KHDC4: variants seen among roughly 807,000 people sequenced by gnomAD.
KHDC4 encodes KH domain containing 4, pre-mRNA splicing factor, also known as KH homology domain-containing protein 4.
Under a neutral mutation model 74.5 loss-of-function variants are expected in KHDC4, and 19 were observed. The ratio of observed to expected loss-of-function variants is 0.26; its 90% confidence interval spans 0.18 to 0.37. The LOEUF is 0.37. Among genes scored for constraint, KHDC4 ranks in the 10% least tolerant of loss-of-function variants. The probability of loss-of-function intolerance (pLI) is 1.00; values close to 1 mark genes in which losing one functional copy is unlikely to be tolerated. For missense variants in KHDC4, 632 were observed against 754.1 expected (o/e 0.84, Z 1.90); for synonymous variants, 253 against 266.1 (o/e 0.95, Z 0.48).
chr1:155,928,775 GCT>G (rs1354040162), intron 4 of KHDC4, among the ~76,000 whole-genome samples: 2 of 151,432 alleles, frequency 1.3e-5, no homozygotes, highest in Admixed American at 6.6e-5. Flanking sequence ...ACACGGTGAA[GCT>G]CTGTCTCTAC....
At chr1:155,926,958 A>C in intron 5 of KHDC4, 119 bp from the exon 6 acceptor site, 1 of 1,338,840 alleles carries the variant, frequency 7.5e-7, no homozygotes. Context: ...GTGGCTCTCC[A>C]TCCCTCTAAA....
chr1:155,928,749 A>G (rs531944352), intron 4 of KHDC4, among the ~76,000 whole-genome samples: 10 of 151,862 alleles, frequency 6.6e-5, no homozygotes, highest in South Asian at 4.2e-4. Flanking sequence ...TCAGGAGATC[A>G]AGACCATCCT....
chr1:155,919,958 G>A (rs1362260065), intron 10 of KHDC4: 1 of 517,470 alleles, frequency 1.9e-6, no homozygotes. Flanking sequence ...AGGGGACTGG[G>A]CAATGGTTCG....
At chr1:155,917,021 T>C (rs781378036) in intron 11 of KHDC4, 44 of 269,216 alleles carry the variant, frequency 1.6e-4, no homozygotes, top group Non-Finnish European at 2.5e-4. Flanking sequence ...AGCTAGAAAC[T>C]ATAAAAAAAT....
intron 8 of KHDC4, among the ~76,000 whole-genome samples, chr1:155,923,136 C>CGGA (rs1311847764): frequency 6.7e-6 from 1 of 148,506 alleles, no homozygotes; most frequent in Non-Finnish European, 1.5e-5. Context: ...ACCCGGGAGG[C>CGGA]GGAGCTTGCA....
intron 5 of KHDC4, 43 bp from the exon 6 acceptor site, chr1:155,926,882 C>G (rs559207244): frequency 8.9e-5 from 143 of 1,603,740 alleles, no homozygotes; most frequent in Non-Finnish European, 1.1e-4. Flanking sequence ...AATGAACTGA[C>G]TAGTGCCCAG....
intron 11 of KHDC4, 21 bp from the exon 12 acceptor site, chr1:155,916,758 T>C: frequency 6.6e-7 from 1 of 1,518,130 alleles, no homozygotes; most frequent in Non-Finnish European, 9.1e-7. Flanking sequence ...AAAAATACAG[T>C]GGCATTAGCA....
intron 2 of KHDC4, 54 bp from the exon 3 acceptor site, chr1:155,929,894 T>C (rs1674105307): frequency 8.1e-7 from 1 of 1,238,786 alleles, no homozygotes; most frequent in African/African-American, 1.6e-5. Flanking sequence ...TAAAGTCTAT[T>C]TTTTTATTTT....
chr1:155,916,891 T>G, intron 11 of KHDC4, 154 bp from the exon 12 acceptor site: 1 of 560,756 alleles, frequency 1.8e-6, no homozygotes, highest in South Asian at 2.4e-5. Context: ...GTAACTGTAG[T>G]CAAAAGTAGG....
chr1:155,916,527 A>G, intron 12 of KHDC4, 98 bp downstream of exon 12: 1 of 787,728 alleles, frequency 1.3e-6, no homozygotes, highest in South Asian at 1.7e-5. Context: ...ATTTCATTTC[A>G]GTTTCAGAAT....
chr1:155,925,726 T>C lies in KHDC4; in HGVS notation c.799A>G (p.Thr267Ala). The stretch of plus-strand genomic sequence containing the variant: ...CCCCGCAGGAAGACTTTGGCACCTG[T>C]TTCAATCTGAATGTGCTGCAAATAG... ...CSYLQHIQIETGAKVFLRGKG... is the reference protein window; with the variant it reads ...CSYLQHIQIEAGAKVFLRGKG... Residue 267 changes from threonine to alanine, a missense_variant, in exon 7 of 14, where the codon ACA becomes GCA. Transcript: ENST00000368321. 6.2e-7 allele frequency: 1 copy of C among 1,614,194 alleles called. No individual in the cohort carries two copies. Among genetic ancestry groups the C allele is most frequent in the Non-Finnish European group, 8.5e-7 (1 of 1,180,036 alleles).
rs780315088 is a variant in KHDC4 at position 155,926,832 on chromosome 1, T to C, written c.525A>G (p.Val175=). ...TGGTGATAATTTCTTTGATCCGGTTTACAGCTCCTTAGAAAAACACAGACA... is the reference window on the plus strand; with the variant it reads ...TGGTGATAATTTCTTTGATCCGGTTCACAGCTCCTTAGAAAAACACAGACA... The part of the protein sequence containing the change: ...GQTRELVDRA[V]NRIKEIITNG... Residue 175 remains valine, a synonymous_variant, in exon 6 of 14, where the codon GTA becomes GTG. Transcript: ENST00000368321. 1 of 1,614,166 alleles carries C rather than the reference T, an allele frequency of 6.2e-7. No individual in the cohort carries two copies. Among genetic ancestry groups the C allele is most frequent in the Non-Finnish European group, 8.5e-7 (1 of 1,180,028 alleles).
intron 9 of KHDC4, 42 bp downstream of exon 9, chr1:155,921,819 T>C: frequency 1.3e-6 from 2 of 1,489,796 alleles, no homozygotes; most frequent in Non-Finnish European, 1.9e-6. Flanking sequence ...CACATAACTA[T>C]CACTAGCAAA....
intron 10 of KHDC4, 66 bp downstream of exon 10, chr1:155,921,309 A>C: frequency 6.5e-7 from 1 of 1,543,548 alleles, no homozygotes; most frequent in Admixed American, 1.7e-5. Context: ...GAATACCACT[A>C]CTTCCCCTCT....
Position 155,917,481 on chromosome 1 carries a change from CAG to C in KHDC4, c.1440+16_1440+17del, listed in dbSNP as rs1673756914. On this transcript the variant is annotated intron_variant, in intron 11 of 13. Transcript: ENST00000368321. Reference sequence around the variant, plus strand: ...GAAGAATAAGGTGAAGATAGGAAAACAGGGTATTTTATTTAACCTGGTATCCA... The same window carrying C: ...GAAGAATAAGGTGAAGATAGGAAAACGGTATTTTATTTAACCTGGTATCCA... 6.3e-7 allele frequency: 1 copy of C among 1,592,270 alleles called. No homozygotes were observed. Among genetic ancestry groups the C allele is most frequent in the South Asian group, 1.1e-5 (1 of 90,538 alleles).
At chr1:155,933,530 C>G (rs898122201) in intron 2 of KHDC4, 103 bp downstream of exon 2, 1 of 811,302 alleles carries the variant, frequency 1.2e-6, no homozygotes, top group Non-Finnish European at 1.9e-6. Flanking sequence ...GTGATCCACC[C>G]GCCTCGGCCT....
At chr1:155,921,300 A>G in intron 10 of KHDC4, 75 bp downstream of exon 10, 1 of 1,501,958 alleles carries the variant, frequency 6.7e-7, no homozygotes, top group South Asian at 1.2e-5. Flanking sequence ...TTATTTCTGG[A>G]ATACCACTAC....
chr1:155,930,068 A>C (rs1196228200), intron 2 of KHDC4, among the ~76,000 whole-genome samples: 1 of 152,118 alleles, frequency 6.6e-6, no homozygotes, highest in African/African-American at 2.4e-5. Flanking sequence ...GTGCAGCACC[A>C]TGCCCAGCTA....
rs758473808 is a variant in KHDC4 at position 155,921,584 on chromosome 1, G to A, written c.1057C>T (p.Pro353Ser). 8.1e-6 allele frequency: 13 copies of A among 1,614,108 alleles called. No homozygotes were observed. Among genetic ancestry groups the A allele is most frequent in the Non-Finnish European group, 1.1e-5 (13 of 1,180,006 alleles). ...TGATAGCCATTGGATGGATAATATG[G>A]TGGTTGAGGAGGGACACTACTTATA... The part of the protein sequence containing the change: ...SAISSVPPQP[P>S]YYPSNGYQSG... Residue 353 changes from proline to serine, a missense_variant, in exon 10 of 14, where the codon CCA becomes TCA. This residue lies in a region of KHDC4 where 254 missense variants were observed against 267.4 expected (regional missense o/e 0.95). Coordinates refer to ENST00000368321, the MANE Select transcript of KHDC4 (RefSeq NM_014949.4).
Sources: allele counts gnomAD v4.1 joint callset (sites outside exome capture counted in the v4.1 genomes callset), GRCh38; gene constraint gnomAD v4.1.1; regional missense constraint gnomAD v4.1.1; transcripts MANE v1.5; gene names NCBI Gene and HGNC (gene_info 2026-07-23, HGNC 2026-07-21).